Variants in TAFA5 observed in about 807,000 individuals in gnomAD.
The protein encoded by TAFA5 is chemokine-like protein TAFA-5.
A neutral mutation model predicts 15.3 loss-of-function variants in TAFA5; 6 were observed. That is an observed-to-expected ratio of 0.39 (90% confidence interval 0.21 to 0.77). The LOEUF (loss-of-function observed/expected upper bound fraction) is 0.77, where lower values mean the gene tolerates loss of function less well. Ranked by LOEUF, TAFA5 falls within the 30% of genes least tolerant of loss-of-function variation. The pLI, the probability that TAFA5 is intolerant of heterozygous loss-of-function variation, is 0.41. For synonymous variants in TAFA5, 103 were observed against 80.7 expected (o/e 1.28, Z -1.48); for missense variants, 161 against 193.1 (o/e 0.83, Z 0.98).
At chr22:48,505,665 G>A (rs946519611) in intron 1 of TAFA5, among the ~76,000 whole-genome samples, 13 of 152,084 alleles carry the variant, frequency 8.5e-5, no homozygotes, top group African/African-American at 3.1e-4. Context: ...ACTTGCAGTC[G>A]GCATCTCTGT....
chr22:48,623,241 G>GCAGCCCGTGATGTGT (rs1925905212), intron 1 of TAFA5, among the ~76,000 whole-genome samples: 3 of 141,770 alleles, frequency 2.1e-5, no homozygotes, highest in African/African-American at 2.6e-5. Context: ...GGGACGGGAC[G>GCAGCCCGTGATGTGT]TGCCGCGTGG....
intron 3 of TAFA5, among the ~76,000 whole-genome samples, chr22:48,713,196 G>T (rs963846742): frequency 6.6e-6 from 1 of 152,182 alleles, no homozygotes; most frequent in Non-Finnish European, 1.5e-5. Flanking sequence ...TTTCTGTATG[G>T]TTCTATTCGG....
At chr22:48,647,473 G>A (rs1366247198) in intron 2 of TAFA5, among the ~76,000 whole-genome samples, 2 of 152,136 alleles carry the variant, frequency 1.3e-5, no homozygotes, top group Non-Finnish European at 2.9e-5. Flanking sequence ...TGGGGAGAGA[G>A]TGGGCTTGAC....
chr22:48,678,255 G>C (rs1928038237), intron 2 of TAFA5, among the ~76,000 whole-genome samples: 2 of 152,180 alleles, frequency 1.3e-5, no homozygotes, highest in Non-Finnish European at 1.5e-5. Flanking sequence ...CCAGGGAGGG[G>C]CTCTCTCCCG....
chr22:48,636,267 C>G (rs144761773), intron 1 of TAFA5, among the ~76,000 whole-genome samples: 1 of 152,218 alleles, frequency 6.6e-6, no homozygotes, highest in Non-Finnish European at 1.5e-5. Context: ...AGCCTGGGCC[C>G]GACGCTGGCT....
rs1205555299 is a variant in TAFA5, at chr22:48,742,133, G to A, written c.391-7706G>A. Among the ~76,000 whole-genome samples the A allele has an allele frequency of 1.3e-5, 2 of 151,796 alleles. No homozygotes were observed. The highest frequency in any genetic ancestry group is 6.6e-5 in the Admixed American group (1 of 15,244). ...GGCTCTGGAGGGGTCTGGCTGCACC[G>A]GCTCCCCTGCCCAACCCCACAGGCC... On this transcript the variant is annotated intron_variant, in intron 3 of 3. Coordinates refer to ENST00000402357, the MANE Select transcript of TAFA5 (RefSeq NM_001082967.3). The surrounding 1 kb of genome is among the most constrained non-coding windows in gnomAD (Gnocchi z 6.2).
chr22:48,631,400 G>A (rs1001030976), intron 1 of TAFA5, among the ~76,000 whole-genome samples: 4 of 152,190 alleles, frequency 2.6e-5, no homozygotes, highest in South Asian at 2.1e-4. Flanking sequence ...ACAGGCCTCT[G>A]CCTGGAAGGG....
chr22:48,607,768 G>T (rs1435703828), intron 1 of TAFA5, among the ~76,000 whole-genome samples: 2 of 147,574 alleles, frequency 1.4e-5, no homozygotes, highest in African/African-American at 5.1e-5. Flanking sequence ...GTCTGCAGCA[G>T]GCAGACCCAA....
intron 1 of TAFA5, among the ~76,000 whole-genome samples, chr22:48,577,505 T>G (rs1208327874): frequency 1.3e-5 from 2 of 152,208 alleles, no homozygotes; most frequent in Non-Finnish European, 2.9e-5. Flanking sequence ...CAGCTCCGCC[T>G]GGTGCTCCCC....
At chr22:48,553,677 G>A (rs905352941) in intron 1 of TAFA5, among the ~76,000 whole-genome samples, 25 of 152,182 alleles carry the variant, frequency 1.6e-4, no homozygotes, top group Admixed American at 1.4e-3. Flanking sequence ...ATACCTCCAT[G>A]CCTGCCGTGG....
chr22:48,719,839 A>G (rs962214946), intron 3 of TAFA5, among the ~76,000 whole-genome samples: 3 of 152,218 alleles, frequency 2.0e-5, no homozygotes, highest in Admixed American at 6.5e-5. Context: ...AAAAACGTAT[A>G]TGGCCGGCGC....
Position 48,496,761 on chromosome 22 carries a change from A to T in TAFA5, c.112+7057A>T, listed in dbSNP as rs58437352. On this transcript the variant is annotated intron_variant, in intron 1 of 3. Transcript: ENST00000402357. ...GGGCAGGCGGGGTGGTCCAGCCATCAGGGGCCCTGGTTTCCTGGGGGTTAA... is the reference window on the plus strand; with the variant it reads ...GGGCAGGCGGGGTGGTCCAGCCATCTGGGGCCCTGGTTTCCTGGGGGTTAA... Among the ~76,000 whole-genome samples the T allele has an allele frequency of 3.3e-3, 509 of 152,276 alleles. 12 individuals carry two copies. The East Asian group carries it at 0.052, about 16-fold the overall frequency.
chr22:48,689,958 C>T (rs1928485352), intron 2 of TAFA5, among the ~76,000 whole-genome samples: 1 of 152,162 alleles, frequency 6.6e-6, no homozygotes, highest in Admixed American at 6.5e-5. Context: ...AGGGAGCGCT[C>T]CCTGTACACC....
chr22:48,525,642 C>G (rs1445611581), intron 1 of TAFA5, among the ~76,000 whole-genome samples: 1 of 152,182 alleles, frequency 6.6e-6, no homozygotes, highest in East Asian at 1.9e-4. Flanking sequence ...GATCGCTGGA[C>G]TGAACCCATG....
chr22:48,515,416 C>A (rs1243444869), intron 1 of TAFA5, among the ~76,000 whole-genome samples: 1 of 152,154 alleles, frequency 6.6e-6, no homozygotes, highest in East Asian at 1.9e-4. Flanking sequence ...CTGACCCCTG[C>A]AGGGGACCCT....
At chr22:48,727,915 A>C (rs144838072) in intron 3 of TAFA5, among the ~76,000 whole-genome samples, 7 of 152,228 alleles carry the variant, frequency 4.6e-5, no homozygotes, top group African/African-American at 1.7e-4. Context: ...ATTAGCATAC[A>C]TAAGAATAGA....
chr22:48,684,392 G>A (rs1569078055), intron 2 of TAFA5, among the ~76,000 whole-genome samples: 2 of 152,076 alleles, frequency 1.3e-5, no homozygotes, highest in Non-Finnish European at 2.9e-5. Flanking sequence ...CCCAGGGAAG[G>A]GCGATGGAGT....
chr22:48,546,492 G>A lies in TAFA5; in HGVS notation c.112+56788G>A, dbSNP rs569007007. On this transcript the variant is annotated intron_variant, in intron 1 of 3. Coordinates refer to ENST00000402357, the MANE Select transcript of TAFA5 (RefSeq NM_001082967.3). The stretch of plus-strand genomic sequence containing the variant: ...ATCCCCTTTCTCAAACGGGGTGTGT[G>A]GACGCCCCTGTTTTTCTCACCTGGC... The A allele has an allele frequency of 7.3e-4, 343 of 471,180 alleles. 5 individuals carry two copies. The highest frequency in any genetic ancestry group is 5.1e-3 in the South Asian group (330 of 64,560). 29.2% of individuals were successfully genotyped at this position (471,180 alleles called of 1,614,324 possible).
intron 2 of TAFA5, among the ~76,000 whole-genome samples, chr22:48,705,530 C>T (rs1486300869): frequency 6.6e-6 from 1 of 152,240 alleles, no homozygotes; most frequent in Non-Finnish European, 1.5e-5. Flanking sequence ...AGCTGTTCCC[C>T]AGGACCCTGT....
Sources: allele counts gnomAD v4.1 joint callset (sites outside exome capture counted in the v4.1 genomes callset), GRCh38; gene constraint gnomAD v4.1.1; non-coding constraint Gnocchi (gnomAD v3.1); transcripts MANE v1.5; gene names NCBI Gene and HGNC (gene_info 2026-07-23, HGNC 2026-07-21).